KLRC1: variants seen among roughly 807,000 people sequenced by gnomAD.
The protein encoded by KLRC1 is NKG2-A/NKG2-B type II integral membrane protein.
In KLRC1, 22 loss-of-function variants were observed where a neutral mutation model predicts 25.9. The observed-to-expected ratio is 0.85, with a 90% CI of 0.61 to 1.21. KLRC1 has a LOEUF of 1.21. KLRC1 is among the 50% of genes most tolerant of loss of function. KLRC1 has a pLI of 0.00. For missense variants in KLRC1, 240 were observed against 272.2 expected, an observed-to-expected ratio of 0.88 and a Z score of 0.83; for synonymous variants, 77 against 93.1, an observed-to-expected ratio of 0.83 and a Z score of 0.99.
chr12:10,448,962 C>T (rs1037429092), intron 5 of KLRC1, among the ~76,000 whole-genome samples: 24 of 152,174 alleles, frequency 1.6e-4, no homozygotes, highest in African/African-American at 2.4e-4. Context: ...GACCAGATCA[C>T]ATCATGCCCG....
At chr12:10,453,395 T>C (rs1306673082), upstream of KLRC1, 4 of 984,216 alleles carry the variant, frequency 4.1e-6, no homozygotes, top group East Asian at 4.5e-4. Context: ...AGATTTCTCA[T>C]CAACGTGTTA....
At chr12:10,444,975 A>G (rs959756202), downstream of KLRC1, among the ~76,000 whole-genome samples, 1 of 132,564 alleles carries the variant, frequency 7.5e-6, no homozygotes, top group Non-Finnish European at 1.5e-5. Context: ...GTTGGAGTGC[A>G]GTGGTGCACT....
intron 1 of KLRC1, among the ~76,000 whole-genome samples, chr12:10,452,164 G>C (rs1292981296): frequency 6.6e-6 from 1 of 152,000 alleles, no homozygotes; most frequent in Admixed American, 6.6e-5. Context: ...AGAAGTATTG[G>C]TAATTTAATT....
intron 1 of KLRC1, among the ~76,000 whole-genome samples, chr12:10,451,671 A>G (rs1409209722): frequency 6.6e-6 from 1 of 152,114 alleles, no homozygotes; most frequent in African/African-American, 2.4e-5. Context: ...AAAAAGATAA[A>G]TTTTCTGCAT....
chr12:10,449,529 A>G (rs1471181231), intron 4 of KLRC1, 141 bp from the exon 5 acceptor site: 6 of 1,420,378 alleles, frequency 4.2e-6, no homozygotes, highest in East Asian at 2.3e-5. Flanking sequence ...TATAGTGTCA[A>G]AATACCCAGT....
chr12:10,450,858 C>G lies in KLRC1; in HGVS notation c.187+112G>C, dbSNP rs1864108785. ...AAATAGCATATCTCAACTTGGAATT[C>G]TGATCTTTGCAAATAGAAGATATAT... On this transcript the variant is annotated intron_variant, in intron 2 of 6. Coordinates refer to ENST00000359151, the MANE Select transcript of KLRC1 (RefSeq NM_002259.5). 4.9e-6 allele frequency: 4 copies of G among 819,708 alleles called. No homozygotes were observed. The South Asian group carries it at 7.3e-5, about 15-fold the overall frequency. 50.8% of individuals were successfully genotyped at this position (819,708 alleles called of 1,614,324 possible). A position where few individuals can be genotyped will look rare whatever the true frequency, so the allele number is the denominator to read the frequency against.
At chr12:10,452,040 TA>T (rs769275137) in intron 1 of KLRC1, among the ~76,000 whole-genome samples, 44 of 151,874 alleles carry the variant, frequency 2.9e-4, no homozygotes, top group Non-Finnish European at 4.3e-4. Context: ...AATTATTTAT[TA>T]AAAATTATAA....
At chr12:10,448,802 A>T (rs1365649294) in intron 5 of KLRC1, among the ~76,000 whole-genome samples, 2 of 152,248 alleles carry the variant, frequency 1.3e-5, no homozygotes, top group East Asian at 3.8e-4. Context: ...AACGTTATTT[A>T]TAACATTAAA....
intron 4 of KLRC1, 47 bp downstream of exon 4, chr12:10,449,867 G>GAAA: frequency 7.3e-7 from 1 of 1,363,382 alleles, no homozygotes; most frequent in Non-Finnish European, 9.7e-7. Context: ...CTAAGATCAA[G>GAAA]AAAAAATAAA....
At chr12:10,452,315 G>C (rs1864141962) in intron 1 of KLRC1, among the ~76,000 whole-genome samples, 1 of 152,160 alleles carries the variant, frequency 6.6e-6, no homozygotes, top group Admixed American at 6.5e-5. Flanking sequence ...GGCCACTTTA[G>C]TTGTATAAGT....
At chr12:10,451,224 TA>T in intron 1 of KLRC1, 37 bp from the exon 2 acceptor site, 1 of 1,313,468 alleles carries the variant, frequency 7.6e-7, no homozygotes, top group South Asian at 1.8e-5. Context: ...ATAAATGGTT[TA>T]TATACAGGAT....
downstream of KLRC1, among the ~76,000 whole-genome samples, chr12:10,443,090 C>T (rs2137881827): frequency 1.5e-5 from 2 of 135,198 alleles, 1 homozygote; most frequent in Non-Finnish European, 3.2e-5. Context: ...TGTTTGATAG[C>T]ACAACAGGGT....
rs751555408 is a variant in KLRC1, at chr12:10,451,054, C to A, written c.103G>T (p.Glu35Ter). ...AATTCCGCATAGGTTATTTCCTGTT[C>A]AGTTGCTAAAATGGAGTTTTTATTG... ...KGNKNSILAT[E>*]QEITYAELNL... Residue 35 changes from glutamate (E) to a stop codon, truncating the protein, a stop_gained, in exon 2 of 7, where the codon GAA becomes TAA. Coordinates refer to ENST00000359151, the MANE Select transcript of KLRC1 (RefSeq NM_002259.5). LOFTEE classifies it high-confidence loss of function. The A allele has an allele frequency of 4.3e-6, 7 of 1,614,032 alleles. No homozygotes were observed. The highest frequency in any genetic ancestry group is 5.9e-6 in the Non-Finnish European group (7 of 1,179,966).
chr12:10,445,849 A>T (rs1213543680), downstream of KLRC1, among the ~76,000 whole-genome samples: 2 of 152,124 alleles, frequency 1.3e-5, no homozygotes, highest in Non-Finnish European at 2.9e-5. Context: ...TAAAATACCT[A>T]CATTTCTGTA....
chr12:10,451,223 T>C, intron 1 of KLRC1, 36 bp from the exon 2 acceptor site: 1 of 1,339,652 alleles, frequency 7.5e-7, no homozygotes, highest in Non-Finnish European at 1.0e-6. Flanking sequence ...AATAAATGGT[T>C]TATATACAGG....
intron 6 of KLRC1, 94 bp from the exon 7 acceptor site, chr12:10,446,756 T>C: frequency 2.8e-6 from 4 of 1,422,532 alleles, no homozygotes; most frequent in South Asian, 1.2e-5. Flanking sequence ...AATAATTTCA[T>C]GGAAAAGGGT....
intron 2 of KLRC1, 134 bp from the exon 3 acceptor site, chr12:10,450,713 T>C: frequency 3.1e-6 from 2 of 644,742 alleles, no homozygotes; most frequent in Non-Finnish European, 5.4e-6. Context: ...TCTCCCATTG[T>C]AATCTTTTTC....
downstream of KLRC1, among the ~76,000 whole-genome samples, chr12:10,444,912 T>C (rs1001175658): frequency 4.4e-5 from 6 of 135,704 alleles, no homozygotes; most frequent in Non-Finnish European, 6.1e-5. Flanking sequence ...ATATATGCAC[T>C]AATTTTTTTT....
downstream of KLRC1, chr12:10,445,968 G>A (rs1156546059): frequency 1.3e-5 from 2 of 149,874 alleles, no homozygotes; most frequent in Non-Finnish European, 3.0e-5. Flanking sequence ...TTATAAAGAA[G>A]CTAATCTTTA....
Sources: gnomAD v4.1 joint callset for allele counts (sites outside exome capture counted in the v4.1 genomes callset) on GRCh38, gnomAD v4.1.1 for gene constraint, MANE v1.5 for transcripts, NCBI Gene and HGNC (gene_info 2026-07-23, HGNC 2026-07-21) for gene names.